LARGE1: variants seen among roughly 807,000 people sequenced by gnomAD.
LARGE1 encodes the protein xylosyl- and glucuronyltransferase LARGE1.
LARGE1 carries 43 observed loss-of-function variants against 87.6 expected under a neutral mutation model. The observed-to-expected ratio is 0.49, with a 90% confidence interval of 0.38 to 0.63. The LOEUF (loss-of-function observed/expected upper bound fraction) is 0.63. LARGE1 is among the 30% of genes least tolerant of loss of function. The pLI is 0.00. For synonymous variants in LARGE1, 434 were observed against 394.6 expected (o/e 1.10, Z -1.18); for missense variants, 802 against 1,000.2 (o/e 0.80, Z 2.67).
chr22:33,214,487 TA>T (rs1568976594), intron 11 of LARGE1, among the ~76,000 whole-genome samples: 1 of 152,152 alleles, frequency 6.6e-6, no homozygotes, highest in South Asian at 2.1e-4. Flanking sequence ...GGTGCTCAAA[TA>T]AAAAAATTCC....
chr22:33,645,434 A>G (rs1272348683), intron 3 of LARGE1, among the ~76,000 whole-genome samples: 4 of 152,226 alleles, frequency 2.6e-5, no homozygotes, highest in Non-Finnish European at 5.9e-5. Context: ...CCTTATACAA[A>G]AATTAACTCA....
intron 9 of LARGE1, among the ~76,000 whole-genome samples, chr22:33,378,752 C>T (rs1264443178): frequency 6.6e-6 from 1 of 152,214 alleles, no homozygotes; most frequent in East Asian, 1.9e-4. Flanking sequence ...AAGCATCAGA[C>T]TCTATGGGTT....
At chr22:33,624,235 C>T (rs1171622791) in intron 4 of LARGE1, among the ~76,000 whole-genome samples, 8 of 152,074 alleles carry the variant, frequency 5.3e-5, no homozygotes, top group African/African-American at 7.2e-5. Flanking sequence ...GCATGTAATA[C>T]GTGTCAGCTA....
chr22:33,521,364 A>AG (rs2071582535), intron 6 of LARGE1, among the ~76,000 whole-genome samples: 1 of 152,204 alleles, frequency 6.6e-6, no homozygotes, highest in Non-Finnish European at 1.5e-5. Flanking sequence ...TGGCTACTAT[A>AG]GGGTGGCCTT....
intron 1 of LARGE1, among the ~76,000 whole-genome samples, chr22:33,770,572 C>T (rs1041234326): frequency 1.3e-5 from 2 of 152,106 alleles, no homozygotes; most frequent in African/African-American, 2.4e-5. Flanking sequence ...GTAGTCACAG[C>T]TACTCCGGAG....
At chr22:33,391,978 C>T (rs2065544643) in intron 7 of LARGE1, among the ~76,000 whole-genome samples, 1 of 151,748 alleles carries the variant, frequency 6.6e-6, no homozygotes, top group Admixed American at 6.6e-5. Flanking sequence ...ACTATGTTGG[C>T]CAGGCTGCTC....
intron 6 of LARGE1, among the ~76,000 whole-genome samples, chr22:33,501,231 C>T (rs1431912451): frequency 6.6e-6 from 1 of 152,192 alleles, no homozygotes; most frequent in Non-Finnish European, 1.5e-5. Flanking sequence ...TTTCTTGTCA[C>T]CATCTGTAAA....
chr22:33,815,274 C>T (rs554591486), intron 1 of LARGE1, among the ~76,000 whole-genome samples: 39 of 152,322 alleles, frequency 2.6e-4, no homozygotes, highest in African/African-American at 9.4e-4. Context: ...TCCTCCGGTC[C>T]TCATCACCTC....
At chr22:33,159,442 T>G (rs1406365018), downstream of LARGE1, among the ~76,000 whole-genome samples, 1 of 152,138 alleles carries the variant, frequency 6.6e-6, no homozygotes, top group African/African-American at 2.4e-5. Flanking sequence ...GTCCCTAGTG[T>G]GCAATCATAA....
intron 6 of LARGE1, among the ~76,000 whole-genome samples, chr22:33,480,059 C>T (rs1372157264): frequency 2.6e-5 from 4 of 152,074 alleles, no homozygotes; most frequent in African/African-American, 7.2e-5. Flanking sequence ...TGCCTCTTAT[C>T]GGTCAAGCAA....
chr22:33,470,008 G>A (rs962156169), intron 6 of LARGE1, among the ~76,000 whole-genome samples: 1 of 149,442 alleles, frequency 6.7e-6, no homozygotes, highest in Non-Finnish European at 1.5e-5. Flanking sequence ...TCCTGCCTCA[G>A]CCTCCCGAGT....
intron 5 of LARGE1, among the ~76,000 whole-genome samples, chr22:33,579,014 A>C (rs759631742): frequency 3.9e-5 from 6 of 152,226 alleles, no homozygotes; most frequent in Non-Finnish European, 8.8e-5. Context: ...AATACAAAGC[A>C]GGAAGGGAAG....
chr22:33,661,363 G>A (rs968724109), intron 2 of LARGE1, among the ~76,000 whole-genome samples: 14 of 151,806 alleles, frequency 9.2e-5, no homozygotes, highest in Non-Finnish European at 2.1e-4. Flanking sequence ...TTACAGGCGC[G>A]CCACCATGCT....
At chr22:33,651,158 G>A (rs1378399539) in intron 2 of LARGE1, among the ~76,000 whole-genome samples, 4 of 147,850 alleles carry the variant, frequency 2.7e-5, no homozygotes, top group Middle Eastern at 3.5e-3. Flanking sequence ...CAAGACGGGC[G>A]GATCACGAGG....
chr22:33,425,554 G>A (rs1195146133), intron 7 of LARGE1, among the ~76,000 whole-genome samples: 1 of 152,112 alleles, frequency 6.6e-6, no homozygotes, highest in Non-Finnish European at 1.5e-5. Context: ...AAGAAAGTAG[G>A]GAGTAGACAT....
chr22:33,844,215 A>C (rs1232578478), intron 1 of LARGE1, among the ~76,000 whole-genome samples: 3 of 152,140 alleles, frequency 2.0e-5, no homozygotes, highest in Non-Finnish European at 4.4e-5. Context: ...TCTTGGTTTT[A>C]TTGAGGGCAA....
chr22:33,262,937 G>T (rs1368071608), intron 11 of LARGE1, among the ~76,000 whole-genome samples: 1 of 150,306 alleles, frequency 6.7e-6, no homozygotes, highest in Non-Finnish European at 1.5e-5. Flanking sequence ...CTGTTGCCCA[G>T]GTTGGACTGC....
intron 9 of LARGE1, among the ~76,000 whole-genome samples, chr22:33,341,010 C>T (rs1939084071): frequency 6.7e-6 from 1 of 148,848 alleles, no homozygotes. Context: ...TTACTCTCTC[C>T]TCCTGTGGGG....
At chr22:33,493,650 G>T (rs962936587) in intron 6 of LARGE1, among the ~76,000 whole-genome samples, 4 of 152,158 alleles carry the variant, frequency 2.6e-5, no homozygotes, top group Non-Finnish European at 5.9e-5. Context: ...TAGGCAGTAT[G>T]ATCATACCCA....
Sources: allele counts gnomAD v4.1 joint callset (sites outside exome capture counted in the v4.1 genomes callset), GRCh38; gene constraint gnomAD v4.1.1; transcripts MANE v1.5; gene names NCBI Gene and HGNC (gene_info 2026-07-23, HGNC 2026-07-21).